Variants in CHAF1A observed in about 807,000 individuals in gnomAD.
The protein encoded by CHAF1A is chromatin assembly factor 1 subunit A, also known as CAF-1 subunit A.
CHAF1A carries 5 observed loss-of-function variants against 93.2 expected under a neutral mutation model. The ratio of observed to expected loss-of-function variants is 0.05; its 90% CI spans 0.03 to 0.11. The LOEUF (loss-of-function observed/expected upper bound fraction) is 0.11. CHAF1A is among the 10% of genes least tolerant of loss of function. The pLI, the probability that CHAF1A is intolerant of heterozygous loss-of-function variation, is 1.00. For synonymous variants in CHAF1A, 504 were observed against 510.3 expected (o/e 0.99, Z 0.17); for missense variants, 1,102 against 1,259.9 (o/e 0.87, Z 1.90).
chr19:4,428,897 G>T lies in CHAF1A; in HGVS notation c.1604+7G>T. On this transcript the variant is annotated splice_region_variant and intron_variant, in intron 8 of 14. Transcript: ENST00000301280. ...ATGCAGATATTTTTAACAGGTCAGA[G>T]CCTGAGGAGGTCGGCCTTCACCCAC... 6.2e-7 allele frequency: 1 copy of T among 1,610,772 alleles called. No individual in the cohort carries two copies. Among genetic ancestry groups the T allele is most frequent in the Non-Finnish European group, 8.5e-7 (1 of 1,177,486 alleles).
Position 4,409,530 on chromosome 19 carries a change from A to G in CHAF1A, c.731A>G (p.Asp244Gly). The change falls in exon 3 of 15, where the codon GAC becomes GGC. Residue 244 changes from aspartate (D) to glycine (G), a missense_variant. This residue lies in a region of CHAF1A where 379 missense variants were observed against 365.7 expected (regional missense o/e 1.04). Coordinates refer to ENST00000301280, the MANE Select transcript of CHAF1A (RefSeq NM_005483.3). ...KGKVPMVVLQ[D>G]ILAVRPPQIK... ...AAGGTGCCTATGGTGGTCTTGCAGG[A>G]CATCTTGGCTGTGAGACCACCGCAA... The G allele has an allele frequency of 6.2e-7, 1 of 1,613,954 alleles. No homozygotes were observed. Among genetic ancestry groups the G allele is most frequent in the Non-Finnish European group, 8.5e-7 (1 of 1,179,970 alleles).
At chr19:4,445,938 A>C, downstream of CHAF1A, 1 of 1,480,200 alleles carries the variant, frequency 6.8e-7, no homozygotes. Flanking sequence ...GGACCTGCCC[A>C]GGCCCCCTGC....
At chr19:4,446,315 C>T (rs572649360), downstream of CHAF1A, 13 of 1,574,108 alleles carry the variant, frequency 8.3e-6, no homozygotes, top group East Asian at 4.6e-5. Context: ...GAGGCGCACG[C>T]GCAGCAGCGT....
At chr19:4,430,806 C>G (rs558164659) in intron 11 of CHAF1A, 165 bp downstream of exon 11, 1 of 663,962 alleles carries the variant, frequency 1.5e-6, no homozygotes, top group African/African-American at 1.8e-5. Context: ...TGGGCCTGAA[C>G]TTGGTATTAC....
downstream of CHAF1A, among the ~76,000 whole-genome samples, chr19:4,443,764 G>A (rs933168409): frequency 1.3e-5 from 2 of 152,142 alleles, no homozygotes; most frequent in Non-Finnish European, 2.9e-5. Flanking sequence ...GAGTGCTGGA[G>A]CTAGAAGGTG....
Position 4,433,670 on chromosome 19 carries a change from A to ATG in CHAF1A, c.2673+131_2673+132insTG. 1 of 699,918 alleles carries ATG rather than the reference A, an allele frequency of 1.4e-6. No homozygotes were observed. The allele number at this position is 699,918 out of a possible 1,614,324, so 43.4% of individuals were successfully genotyped here. A position where few individuals can be genotyped will look rare whatever the true frequency, so the allele number is the denominator to read the frequency against. The stretch of plus-strand genomic sequence containing the variant: ...GGCTGGAGTGCAGTGGCGCAATCTC[A>ATG]GCTCACTGCAACCTCCTCCCTCCTG... On this transcript the variant is annotated intron_variant, in intron 13 of 14. Transcript: ENST00000301280. This position sits in a 1 kb window ranked among gnomAD's most constrained non-coding sequence, Gnocchi z 5.6.
At chr19:4,404,294 A>T (rs982382952) in intron 1 of CHAF1A, among the ~76,000 whole-genome samples, 1 of 152,194 alleles carries the variant, frequency 6.6e-6, no homozygotes, top group African/African-American at 2.4e-5. Context: ...GGATCTCTGG[A>T]TTGGGAGTGT....
In CHAF1A at chr19:4,433,192, C is replaced by G. The variant is rs752509074; in HGVS notation, c.2326C>G (p.Pro776Ala). 3 of 1,613,750 alleles carry G rather than the reference C, an allele frequency of 1.9e-6. No homozygotes were observed. Among genetic ancestry groups the G allele is most frequent in the Non-Finnish European group, 2.5e-6 (3 of 1,179,884 alleles). Residue 776 changes from proline to alanine, a missense_variant, in exon 13 of 15, where the codon CCC becomes GCC. By Grantham distance (27) the Pro-to-Ala change is conservative. Transcript: ENST00000301280. The surrounding 1 kb of genome is among the most constrained non-coding windows in gnomAD (Gnocchi z 5.6). The stretch of plus-strand genomic sequence containing the variant: ...CAACCACACCGGCAGCCCGCGGAGC[C>G]CCTCCACCACCTACCTGCACACCCC... ...LSNHTGSPRS[P>A]STTYLHTPTP...
downstream of CHAF1A, chr19:4,446,562 G>A (rs372052682): frequency 1.5e-4 from 236 of 1,612,466 alleles, no homozygotes; most frequent in Admixed American, 8.0e-4. Flanking sequence ...CAGGCAGTTC[G>A]AACTGCGAGG....
chr19:4,435,338 A>G (rs534101224), intron 13 of CHAF1A, among the ~76,000 whole-genome samples: 225 of 151,506 alleles, frequency 1.5e-3, no homozygotes, highest in African/African-American at 5.1e-3. Flanking sequence ...TTAGCCTTCC[A>G]AAGTGCTGTG....
At chr19:4,405,781 G>A in intron 1 of CHAF1A, 131 bp from the exon 2 acceptor site, 1 of 737,230 alleles carries the variant, frequency 1.4e-6, no homozygotes, top group South Asian at 1.6e-5. Context: ...TCTAGACTGT[G>A]TCAAATGGCC....
At chr19:4,410,754 G>C (rs977489385) in intron 3 of CHAF1A, among the ~76,000 whole-genome samples, 11 of 152,178 alleles carry the variant, frequency 7.2e-5, no homozygotes, top group Non-Finnish European at 1.5e-4. Context: ...GGGAAACTGA[G>C]GCAGGAGGAT....
chr19:4,424,983 A>C (rs1005885130), intron 7 of CHAF1A, among the ~76,000 whole-genome samples: 5 of 152,078 alleles, frequency 3.3e-5, no homozygotes, highest in Non-Finnish European at 5.9e-5. Context: ...TATGTTGCCC[A>C]GGCTGGTCTC....
chr19:4,417,934 A>T (rs1973924007), intron 3 of CHAF1A, 86 bp from the exon 4 acceptor site: 1 of 947,790 alleles, frequency 1.1e-6, no homozygotes, highest in Non-Finnish European at 1.6e-6. Context: ...CTGTTGGTGG[A>T]AAAACTGATC....
rs201677174 is a variant in CHAF1A at position 4,429,462 on chromosome 19, G to A, written c.1629G>A (p.Gly543=). The A allele has an allele frequency of 5.0e-5, 81 of 1,613,926 alleles. No homozygotes were observed. Among genetic ancestry groups the A allele is most frequent in the Middle Eastern group, 3.3e-4 (2 of 6,080 alleles). Residue 543 remains glycine, a synonymous_variant, in exon 9 of 15, where the codon GGG becomes GGA. Transcript: ENST00000301280. ...FNSDVVIVER[G]KGDGVPERRK... is the part of the protein sequence containing the mutation. ...GTGATGTCGTCATCGTGGAGCGTGG[G>A]AAGGGCGACGGTGTTCCCGAGAGGA...
chr19:4,447,333 G>C, downstream of CHAF1A: 3 of 593,014 alleles, frequency 5.1e-6, no homozygotes, highest in East Asian at 5.6e-5. Context: ...CAGGTGAGGA[G>C]AGGCAGAATT....
At chr19:4,430,761 C>A in intron 11 of CHAF1A, 120 bp downstream of exon 11, 1 of 1,007,732 alleles carries the variant, frequency 9.9e-7, no homozygotes, top group Non-Finnish European at 1.5e-6. Flanking sequence ...ATTTGGACTG[C>A]ATTCCAAGCA....
intron 13 of CHAF1A, among the ~76,000 whole-genome samples, chr19:4,438,610 T>C (rs1974329946): frequency 6.6e-6 from 1 of 152,204 alleles, no homozygotes; most frequent in South Asian, 2.1e-4. Flanking sequence ...GGGCCTCCGT[T>C]TTATTTAAAA....
intron 3 of CHAF1A, among the ~76,000 whole-genome samples, chr19:4,411,363 G>A (rs1192892708): frequency 1.3e-5 from 2 of 152,202 alleles, no homozygotes; most frequent in East Asian, 1.9e-4. Context: ...TCAAGTAGCT[G>A]GGATTAGAGG....
Sources: allele counts gnomAD v4.1 joint callset (sites outside exome capture counted in the v4.1 genomes callset), GRCh38; gene constraint gnomAD v4.1.1; regional missense constraint gnomAD v4.1.1; non-coding constraint Gnocchi (gnomAD v3.1); transcripts MANE v1.5; gene names NCBI Gene and HGNC (gene_info 2026-07-23, HGNC 2026-07-21).